Variants in CUX1 observed in about 807,000 individuals in gnomAD.
CUX1 encodes cut like homeobox 1.
A neutral mutation model predicts 158.8 loss-of-function variants in CUX1; 31 were observed. The ratio of observed to expected loss-of-function variants is 0.20; its 90% CI spans 0.15 to 0.26. The LOEUF (loss-of-function observed/expected upper bound fraction) is 0.26, where lower values mean the gene tolerates loss of function less well. CUX1 is among the 10% of genes least tolerant of loss of function. The pLI, the probability that CUX1 is intolerant of heterozygous loss-of-function variation, is 1.00. For missense variants in CUX1, 1,589 were observed against 2,014.6 expected (o/e 0.79, Z 4.04); for synonymous variants, 879 against 862.1 (o/e 1.02, Z -0.34).
chr7:101,961,888 A>AG (rs1810544742), intron 2 of CUX1: 1 of 152,100 alleles, frequency 6.6e-6, no homozygotes, highest in Admixed American at 6.6e-5. Flanking sequence ...AAAAAAAAAA[A>AG]AAAAAATTGC....
intron 2 of CUX1, among the ~76,000 whole-genome samples, chr7:101,953,015 G>A (rs550624435): frequency 6.6e-6 from 1 of 152,298 alleles, no homozygotes; most frequent in Admixed American, 6.5e-5. Context: ...GGACCCCTTC[G>A]GAGCATCTCA....
intron 1 of CUX1, among the ~76,000 whole-genome samples, chr7:101,893,525 C>T (rs1801129510): frequency 6.6e-6 from 1 of 152,208 alleles, no homozygotes; most frequent in African/African-American, 2.4e-5. Context: ...GTCACCTTGC[C>T]CCCTGCGAGC....
chr7:102,099,346 G>A (rs1336729333), intron 5 of CUX1, among the ~76,000 whole-genome samples: 1 of 152,158 alleles, frequency 6.6e-6, no homozygotes, highest in Non-Finnish European at 1.5e-5. Flanking sequence ...ACTGCTGTGA[G>A]GGAAGGTATT....
At chr7:102,043,078 T>G (rs1822307698) in intron 3 of CUX1, among the ~76,000 whole-genome samples, 1 of 152,014 alleles carries the variant, frequency 6.6e-6, no homozygotes, top group South Asian at 2.1e-4. Flanking sequence ...AGCCTCCTGA[T>G]TAGCAGGGAC....
At chr7:101,904,835 C>T (rs1802575934) in intron 1 of CUX1, among the ~76,000 whole-genome samples, 1 of 152,190 alleles carries the variant, frequency 6.6e-6, no homozygotes, top group Non-Finnish European at 1.5e-5. Flanking sequence ...TCCCAAAGTG[C>T]TGGGATTACA....
At position 101,916,971 on chromosome 7, in the gene CUX1, C is replaced by T. The variant is rs935533411; in HGVS notation, c.141+746C>T. ...ATGAGCAGTCGCGGGAATGGCTTTC[C>T]GGGTGACATCTGCCAGTTTGGTCCC... On this transcript the variant is annotated intron_variant, in intron 2 of 23. Coordinates refer to ENST00000292535, the MANE Select transcript of CUX1 (RefSeq NM_181552.4). This position sits in a 1 kb window ranked among gnomAD's most constrained non-coding sequence, Gnocchi z 4.4. 6.6e-6 allele frequency among the ~76,000 whole-genome samples: 1 copy of T among 152,104 alleles called. No homozygotes were observed. The highest frequency in any genetic ancestry group is 1.5e-5 in the Non-Finnish European group (1 of 68,018).
chr7:102,220,750 T>C (rs1554526658), intron 20 of CUX1, among the ~76,000 whole-genome samples: 1 of 152,132 alleles, frequency 6.6e-6, no homozygotes, highest in Non-Finnish European at 1.5e-5. Flanking sequence ...TCTCCTTTCC[T>C]CTCCTCCAGG....
intron 23 of CUX1, among the ~76,000 whole-genome samples, chr7:102,247,422 C>A (rs1265778325): frequency 6.6e-6 from 1 of 152,228 alleles, no homozygotes; most frequent in African/African-American, 2.4e-5. Context: ...TTCGTTACTG[C>A]ACACCAGGCG....
At chr7:101,843,052 C>T (rs1795334991) in intron 1 of CUX1, among the ~76,000 whole-genome samples, 1 of 151,468 alleles carries the variant, frequency 6.6e-6, no homozygotes, top group Non-Finnish European at 1.5e-5. Flanking sequence ...TTTTTTAGTA[C>T]AGACGGAGTT....
chr7:102,028,968 A>G (rs1055184333), intron 3 of CUX1, among the ~76,000 whole-genome samples: 2 of 150,058 alleles, frequency 1.3e-5, no homozygotes, highest in African/African-American at 4.9e-5. Context: ...GAAAGAGCCC[A>G]TATTGGTACA....
Position 102,251,332 on chromosome 7 carries a change from A to T in CUX1, c.*2290A>T. On this transcript the variant is annotated 3_prime_UTR_variant, in exon 24 of 24. Coordinates refer to ENST00000292535, the MANE Select transcript of CUX1 (RefSeq NM_181552.4). ...TTGTTAATTAACTTGTAGGACTTTG[A>T]CTGTAAGATGTGAAACCACGTTTCT... 2.0e-6 allele frequency: 2 copies of T among 984,958 alleles called. No homozygotes were observed. The highest frequency in any genetic ancestry group is 2.4e-6 in the Non-Finnish European group (2 of 829,902). The allele number at this position is 984,958 out of a possible 1,614,324, so 61.0% of individuals were successfully genotyped here. A position where few individuals can be genotyped will look rare whatever the true frequency, so the allele number is the denominator to read the frequency against.
chr7:101,827,010 A>G (rs1335353016), intron 1 of CUX1, among the ~76,000 whole-genome samples: 2 of 152,180 alleles, frequency 1.3e-5, no homozygotes, highest in Non-Finnish European at 2.9e-5. Flanking sequence ...AGGTACACCT[A>G]TGGAATAGAT....
intron 1 of CUX1, chr7:101,824,476 G>C (rs1383321663): frequency 2.0e-5 from 3 of 152,166 alleles, no homozygotes; most frequent in Non-Finnish European, 4.4e-5. Context: ...CCTGTTTCTA[G>C]GGAAGAAATG....
intron 20 of CUX1, among the ~76,000 whole-genome samples, chr7:102,206,918 G>A (rs1462342565): frequency 1.3e-4 from 20 of 152,004 alleles, no homozygotes; most frequent in East Asian, 3.9e-4. Flanking sequence ...AAAAACCCTC[G>A]TCCTACATAA....
intron 17 of CUX1, among the ~76,000 whole-genome samples, chr7:102,276,286 T>C (rs1791601679): frequency 6.6e-6 from 1 of 152,178 alleles, no homozygotes; most frequent in Non-Finnish European, 1.5e-5. Flanking sequence ...TATACTTTTT[T>C]GTACTGCTCA....
At chr7:102,192,247 A>G (rs1404458788) in intron 12 of CUX1, among the ~76,000 whole-genome samples, 2 of 152,064 alleles carry the variant, frequency 1.3e-5, no homozygotes, top group East Asian at 1.9e-4. Flanking sequence ...CCCTTCTCCA[A>G]TGCTTGTTCA....
At position 101,916,016 on chromosome 7, in the gene CUX1, G is replaced by A. The variant is rs1804154156; in HGVS notation, c.31-99G>A. 2.5e-6 allele frequency: 2 copies of A among 804,284 alleles called. No homozygotes were observed. The highest frequency in any genetic ancestry group is 1.8e-5 in the Admixed American group (1 of 55,902). The allele number at this position is 804,284 out of a possible 1,614,324, so 49.8% of individuals were successfully genotyped here. On this transcript the variant is annotated intron_variant, in intron 1 of 23. Coordinates refer to ENST00000292535, the MANE Select transcript of CUX1 (RefSeq NM_181552.4). The surrounding 1 kb of genome is among the most constrained non-coding windows in gnomAD (Gnocchi z 4.4). The stretch of plus-strand genomic sequence containing the variant: ...GAGTTGATGTTCCTTAGAGCCACTG[G>A]GGTCTCTCCCCCAGTGTTCTGGTCA...
At chr7:102,144,153 CCTT>C (rs1288236650) in intron 8 of CUX1, among the ~76,000 whole-genome samples, 3 of 152,154 alleles carry the variant, frequency 2.0e-5, no homozygotes, top group Non-Finnish European at 2.9e-5. Flanking sequence ...TTTAGATTCT[CCTT>C]CTTCTTGAGT....
chr7:102,216,039 C>T (rs1330650700), intron 20 of CUX1, among the ~76,000 whole-genome samples: 3 of 152,162 alleles, frequency 2.0e-5, no homozygotes, highest in Non-Finnish European at 4.4e-5. Context: ...CACAGTGGCT[C>T]ACGCCTATAA....
Sources: allele counts gnomAD v4.1 joint callset (sites outside exome capture counted in the v4.1 genomes callset), GRCh38; gene constraint gnomAD v4.1.1; non-coding constraint Gnocchi (gnomAD v3.1); transcripts MANE v1.5; gene names NCBI Gene and HGNC (gene_info 2026-07-23, HGNC 2026-07-21).